Variants in WFDC1 observed in about 807,000 individuals in gnomAD.
WFDC1 encodes WAP four-disulfide core domain 1.
In WFDC1, 39 loss-of-function variants were observed where a neutral mutation model predicts 32.9. The observed-to-expected ratio is 1.19, with a 90% CI of 0.92 to 1.55. The LOEUF (loss-of-function observed/expected upper bound fraction) is 1.55. WFDC1 is among the 40% of genes most tolerant of loss of function. The pLI is 0.00. For synonymous variants in WFDC1, 184 were observed against 137.4 expected, an observed-to-expected ratio of 1.34 and a Z score of -2.37; for missense variants, 386 against 309.5, an observed-to-expected ratio of 1.25 and a Z score of -1.85.
At chr16:84,313,478 C>T (rs1246353951) in intron 2 of WFDC1, among the ~76,000 whole-genome samples, 1 of 152,180 alleles carries the variant, frequency 6.6e-6, no homozygotes, top group Non-Finnish European at 1.5e-5. Context: ...CACCCATTCC[C>T]GGGAAAATGC....
intron 6 of WFDC1, chr16:84,327,591 T>A (rs1206295987): frequency 2.0e-5 from 3 of 152,234 alleles, no homozygotes; most frequent in African/African-American, 7.2e-5. Context: ...CAATAAGCTA[T>A]CCATGATGTT....
intron 6 of WFDC1, 136 bp downstream of exon 6, chr16:84,327,091 C>G: frequency 1.2e-6 from 1 of 809,058 alleles, no homozygotes; most frequent in South Asian, 1.6e-5. Context: ...AAATTCCCTT[C>G]TGCAGTAAGT....
chr16:84,318,085 C>T, intron 2 of WFDC1, 187 bp from the exon 3 acceptor site: 1 of 577,092 alleles, frequency 1.7e-6, no homozygotes. Context: ...CTTTGTGGCC[C>T]AGTGCCCAGC....
intron 1 of WFDC1, among the ~76,000 whole-genome samples, chr16:84,308,443 G>A (rs868763509): frequency 1.3e-5 from 2 of 152,198 alleles, no homozygotes; most frequent in African/African-American, 4.8e-5. Flanking sequence ...GGTGGCGAGG[G>A]CCTAAAAATG....
At chr16:84,307,970 C>G (rs1907364906) in intron 1 of WFDC1, among the ~76,000 whole-genome samples, 1 of 152,220 alleles carries the variant, frequency 6.6e-6, no homozygotes, top group Non-Finnish European at 1.5e-5. Flanking sequence ...GGTCTCCCCT[C>G]TGTCTTTGGG....
chr16:84,297,642 A>C (rs866334089), intron 1 of WFDC1, among the ~76,000 whole-genome samples: 1 of 119,776 alleles, frequency 8.3e-6, no homozygotes, highest in Non-Finnish European at 1.9e-5. Context: ...AAAAAAAAAA[A>C]AAAAACTGTG....
At chr16:84,325,980 A>C (rs572933052) in intron 5 of WFDC1, 21 of 151,402 alleles carry the variant, frequency 1.4e-4, no homozygotes, top group African/African-American at 3.6e-4. Flanking sequence ...CCATCCATCC[A>C]TTCACCTATG....
chr16:84,304,944 C>G (rs965554254), intron 1 of WFDC1, among the ~76,000 whole-genome samples: 2 of 152,216 alleles, frequency 1.3e-5, no homozygotes, highest in Admixed American at 1.3e-4. Context: ...AATTGACAGG[C>G]ACCATTGGGA....
chr16:84,316,428 CAA>C (rs1907952742), intron 2 of WFDC1: 1 of 152,154 alleles, frequency 6.6e-6, no homozygotes, highest in South Asian at 2.1e-4. Context: ...AGGTCACAAG[CAA>C]ATGTGATCCC....
At chr16:84,302,480 C>T (rs192975781) in intron 1 of WFDC1, among the ~76,000 whole-genome samples, 16 of 152,148 alleles carry the variant, frequency 1.1e-4, no homozygotes, top group African/African-American at 1.7e-4. Flanking sequence ...TCCCCAGCAC[C>T]GAGAGGCAGC....
At chr16:84,308,565 C>A (rs1907408222) in intron 1 of WFDC1, among the ~76,000 whole-genome samples, 1 of 152,356 alleles carries the variant, frequency 6.6e-6, no homozygotes, top group South Asian at 2.1e-4. Context: ...GGGAGGCCTT[C>A]CAGGCAGAGG....
intron 1 of WFDC1, chr16:84,295,343 G>T (rs190758434): frequency 6.4e-4 from 343 of 533,122 alleles, no homozygotes; most frequent in Non-Finnish European, 9.9e-4. Flanking sequence ...CATCACAAAT[G>T]TGCCAAAGAA....
intron 4 of WFDC1, among the ~76,000 whole-genome samples, chr16:84,320,249 G>T (rs554839027): frequency 2.0e-5 from 3 of 152,162 alleles, no homozygotes; most frequent in Non-Finnish European, 2.9e-5. Flanking sequence ...AGGTAGGCTC[G>T]GCTAAGGTAT....
intron 2 of WFDC1, among the ~76,000 whole-genome samples, chr16:84,315,376 A>G (rs1189374490): frequency 1.3e-5 from 2 of 152,068 alleles, no homozygotes; most frequent in Non-Finnish European, 2.9e-5. Flanking sequence ...TTCTCTCCCC[A>G]CTTGAAGGTC....
At chr16:84,318,544 A>T (rs1377336778) in intron 3 of WFDC1, 189 bp downstream of exon 3, 1 of 595,206 alleles carries the variant, frequency 1.7e-6, no homozygotes, top group African/African-American at 1.9e-5. Flanking sequence ...GGCCAGAATC[A>T]AAGCCCAGTA....
At chr16:84,324,286 T>C in intron 4 of WFDC1, 133 bp from the exon 5 acceptor site, 1 of 755,044 alleles carries the variant, frequency 1.3e-6, no homozygotes, top group Non-Finnish European at 2.2e-6. Flanking sequence ...TCATGTAGCC[T>C]CTGAACAATT....
chr16:84,327,574 C>A (rs1316887338), intron 6 of WFDC1: 1 of 152,182 alleles, frequency 6.6e-6, no homozygotes, highest in Non-Finnish European at 1.5e-5. Context: ...CTTAAAGTTG[C>A]AGTTTCCAAT....
At chr16:84,300,299 A>G (rs906976211) in intron 1 of WFDC1, among the ~76,000 whole-genome samples, 2 of 152,252 alleles carry the variant, frequency 1.3e-5, no homozygotes, top group Admixed American at 6.5e-5. Flanking sequence ...TGGCTTCTCA[A>G]CTTTGGTGGG....
chr16:84,304,879 C>T (rs909968221), intron 1 of WFDC1, among the ~76,000 whole-genome samples: 1 of 152,154 alleles, frequency 6.6e-6, no homozygotes, highest in Non-Finnish European at 1.5e-5. Flanking sequence ...CACAGGAGGG[C>T]AGAGGGAACA....
Sources: gnomAD v4.1 joint callset for allele counts (sites outside exome capture counted in the v4.1 genomes callset) on GRCh38, gnomAD v4.1.1 for gene constraint, MANE v1.5 for transcripts, NCBI Gene and HGNC (gene_info 2026-07-23, HGNC 2026-07-21) for gene names.